The following LAPTM4A variants were observed in gnomAD, a reference collection of about 807,000 sequenced individuals.
LAPTM4A encodes lysosomal-associated transmembrane protein 4A.
A neutral mutation model predicts 29.9 loss-of-function variants in LAPTM4A; 19 were observed. That is an observed-to-expected ratio of 0.64 (90% CI 0.44 to 0.93). The LOEUF (loss-of-function observed/expected upper bound fraction) is 0.93, where lower values mean the gene tolerates loss of function less well. LAPTM4A is among the 40% of genes least tolerant of loss of function. The pLI is 0.00. For missense variants in LAPTM4A, 293 were observed against 288.5 expected (o/e 1.02, Z -0.11); for synonymous variants, 105 against 102.1 (o/e 1.03, Z -0.17).
chr2:20,037,301 A>G lies in LAPTM4A; in HGVS notation c.432+15T>C. The G allele has an allele frequency of 6.4e-7, 1 of 1,567,580 alleles. No homozygotes were observed. Among genetic ancestry groups the G allele is most frequent in the Non-Finnish European group, 8.6e-7 (1 of 1,160,638 alleles). ...AAATGAAAAAAAAATAAGTTTAATG[A>G]GCATACACACTTACTAGTTGATCCA... is the stretch of plus-strand genomic sequence containing the variant. On this transcript the variant is annotated intron_variant, in intron 4 of 6. Transcript: ENST00000175091.
chr2:20,051,468 CG>C lies in LAPTM4A; in HGVS notation c.52del (p.Arg18GlyfsTer21). ...GCGGACATGGCAACAGCCGCAGCAC[CG>C]GGTGCTGTAGAACCGGTCACTGCGG... ...RNRSDRFYST[R>X]CCGCCHVRTG... On this transcript the variant is annotated frameshift_variant, in exon 1 of 7. Coordinates refer to ENST00000175091, the MANE Select transcript of LAPTM4A (RefSeq NM_014713.5). LOFTEE classifies it high-confidence loss of function. 1 of 1,613,528 alleles carries C rather than the reference CG, an allele frequency of 6.2e-7. No individual in the cohort carries two copies. Among genetic ancestry groups the C allele is most frequent in the Non-Finnish European group, 8.5e-7 (1 of 1,179,754 alleles).
At chr2:20,036,595 T>A (rs1416598487) in intron 4 of LAPTM4A, among the ~76,000 whole-genome samples, 1 of 152,206 alleles carries the variant, frequency 6.6e-6, no homozygotes, top group Non-Finnish European at 1.5e-5. Flanking sequence ...GAAAATGGGC[T>A]AGGCAGGAAA....
intron 2 of LAPTM4A, among the ~76,000 whole-genome samples, chr2:20,039,108 G>A (rs920269602): frequency 6.6e-6 from 1 of 152,066 alleles, no homozygotes; most frequent in African/African-American, 2.4e-5. Context: ...ATAGAGACAG[G>A]ATTTCACCAT....
intron 1 of LAPTM4A, among the ~76,000 whole-genome samples, chr2:20,042,179 G>C (rs1310613988): frequency 6.6e-6 from 1 of 152,126 alleles, no homozygotes; most frequent in Non-Finnish European, 1.5e-5. Context: ...TGCCTAGGCT[G>C]GTCTTGAACT....
At chr2:20,037,152 C>T (rs1319701412) in intron 4 of LAPTM4A, 164 bp downstream of exon 4, 2 of 534,200 alleles carry the variant, frequency 3.7e-6, no homozygotes, top group Non-Finnish European at 3.2e-6. Context: ...TTTCATCTTG[C>T]CAGTTTTGTC....
chr2:20,043,211 C>CTT (rs768927745), intron 1 of LAPTM4A, among the ~76,000 whole-genome samples: 7,598 of 78,232 alleles, frequency 0.097, 1,159 homozygotes, highest in Non-Finnish European at 0.14. Context: ...TAGCTGGGAC[C>CTT]TTTTTTTTTT....
chr2:20,045,871 A>C (rs937994248), intron 1 of LAPTM4A, among the ~76,000 whole-genome samples: 1 of 152,224 alleles, frequency 6.6e-6, no homozygotes. Flanking sequence ...TAATTAAAAC[A>C]GTGTGTCTGG....
chr2:20,038,041 A>G (rs1252964882), intron 2 of LAPTM4A, among the ~76,000 whole-genome samples: 1 of 152,220 alleles, frequency 6.6e-6, no homozygotes, highest in African/African-American at 2.4e-5. Context: ...ATGACACAAG[A>G]TGGGTCTTAT....
At position 20,037,619 on chromosome 2, in the gene LAPTM4A, G is replaced by C. The variant is rs1270650660; in HGVS notation, c.233-5C>G. 6.3e-7 allele frequency: 1 copy of C among 1,584,262 alleles called. No homozygotes were observed. Among genetic ancestry groups the C allele is most frequent in the Non-Finnish European group, 8.6e-7 (1 of 1,165,146 alleles). ...CAAAAAGAACACAGGCATTATCTAA[G>C]AAAACAAAAACAAAAATCTAATTAA... On this transcript the variant is annotated splice_region_variant and splice_polypyrimidine_tract_variant and intron_variant, in intron 2 of 6. Transcript: ENST00000175091.
At position 20,035,030 on chromosome 2, in the gene LAPTM4A, G is replaced by C; in HGVS notation, c.465C>G (p.Ala155=). 1 of 1,612,930 alleles carries C rather than the reference G, an allele frequency of 6.2e-7. No homozygotes were observed. Among genetic ancestry groups the C allele is most frequent in the Non-Finnish European group, 8.5e-7 (1 of 1,179,194 alleles). The change falls in exon 5 of 7, where the codon GCC becomes GCG. Residue 155 remains alanine (A), a synonymous_variant. Coordinates refer to ENST00000175091, the MANE Select transcript of LAPTM4A (RefSeq NM_014713.5). ...PDFPYKDDLL[A]LDSSCLLFIV... Reference sequence around the variant, plus strand: ...TGAACAGGAGGCAGCTGGAGTCCAAGGCCAGGAGGTCATCTTTGTAGGGAA... The same window carrying C: ...TGAACAGGAGGCAGCTGGAGTCCAACGCCAGGAGGTCATCTTTGTAGGGAA...
intron 1 of LAPTM4A, 100 bp from the exon 2 acceptor site, chr2:20,041,111 G>A (rs1673788003): frequency 8.5e-7 from 1 of 1,172,590 alleles, no homozygotes; most frequent in Non-Finnish European, 1.2e-6. Flanking sequence ...TGTCTTACTT[G>A]AAGTAACAAA....
intron 1 of LAPTM4A, among the ~76,000 whole-genome samples, chr2:20,047,257 G>A (rs1032500737): frequency 4.0e-5 from 6 of 151,232 alleles, no homozygotes; most frequent in South Asian, 4.2e-4. Context: ...ACATGGTGGC[G>A]GGTGCCTGTA....
At chr2:20,043,718 T>G (rs1558386259) in intron 1 of LAPTM4A, among the ~76,000 whole-genome samples, 2 of 152,240 alleles carry the variant, frequency 1.3e-5, no homozygotes. Context: ...CAATATTTAT[T>G]GAGGATATGC....
chr2:20,034,881 G>A (rs1673646213), intron 5 of LAPTM4A, 86 bp downstream of exon 5: 3 of 922,410 alleles, frequency 3.3e-6, no homozygotes, highest in Non-Finnish European at 5.2e-6. Context: ...TCAATCTCCT[G>A]TGACTTGTAA....
At chr2:20,047,617 G>A (rs1028953632) in intron 1 of LAPTM4A, among the ~76,000 whole-genome samples, 2 of 149,430 alleles carry the variant, frequency 1.3e-5, no homozygotes, top group African/African-American at 4.9e-5. Flanking sequence ...GTGAACCCGG[G>A]AAGCGGAGCT....
chr2:20,043,044 A>G (rs1673835860), intron 1 of LAPTM4A, among the ~76,000 whole-genome samples: 1 of 148,390 alleles, frequency 6.7e-6, no homozygotes, highest in African/African-American at 2.5e-5. Context: ...GGTTCAAGCG[A>G]TTCTCCTGCC....
intron 2 of LAPTM4A, 50 bp from the exon 3 acceptor site, chr2:20,037,664 G>T: frequency 8.7e-7 from 1 of 1,151,164 alleles, no homozygotes; most frequent in Non-Finnish European, 1.2e-6. Flanking sequence ...ACAACAAAAA[G>T]AACAAAACTT....
intron 1 of LAPTM4A, among the ~76,000 whole-genome samples, chr2:20,051,119 T>G (rs181489947): frequency 3.3e-5 from 5 of 152,270 alleles, no homozygotes; most frequent in African/African-American, 1.2e-4. Flanking sequence ...ACCACCCTCG[T>G]CCCTTCGCCT....
intron 2 of LAPTM4A, among the ~76,000 whole-genome samples, chr2:20,037,822 A>C (rs963260618): frequency 1.3e-5 from 2 of 151,952 alleles, no homozygotes; most frequent in African/African-American, 4.8e-5. Context: ...CAAAGCACTT[A>C]TTTGTTAAAT....
Sources: allele counts gnomAD v4.1 joint callset (sites outside exome capture counted in the v4.1 genomes callset), GRCh38; gene constraint gnomAD v4.1.1; transcripts MANE v1.5; gene names NCBI Gene and HGNC (gene_info 2026-07-23, HGNC 2026-07-21).